ZNF429: variants seen among roughly 807,000 people sequenced by gnomAD.
ZNF429 encodes the protein zinc finger protein 429.
ZNF429 carries 53 observed loss-of-function variants against 56.8 expected under a neutral mutation model. That is an observed-to-expected ratio of 0.93 (90% CI 0.75 to 1.17). The LOEUF is 1.17. Ranked by LOEUF, ZNF429 falls within the 50% of genes most tolerant of loss-of-function variation. The pLI is 0.00. For synonymous variants in ZNF429, 278 were observed against 264.7 expected (o/e 1.05, Z -0.49); for missense variants, 849 against 788.4 (o/e 1.08, Z -0.92).
In ZNF429 at chr19:21,529,741, T is replaced by TA. The variant is rs1483849220; in HGVS notation, c.88dup (p.Arg30LysfsTer20). 1 of 1,599,024 alleles carries TA rather than the reference T, an allele frequency of 6.3e-7. No individual in the cohort carries two copies. Among genetic ancestry groups the TA allele is most frequent in the East Asian group, 2.3e-5 (1 of 44,272 alleles). On this transcript the variant is annotated frameshift_variant, in exon 2 of 4. Transcript: ENST00000358491. LOFTEE classifies it high-confidence loss of function. The stretch of plus-strand genomic sequence containing the variant: ...TGGACACAGCACAACAGAACTTATA[T>TA]AGAAATGTGATGTTAGAGAACTACA...
Position 21,535,356 on chromosome 19 carries a change from TTC to T in ZNF429, c.227-922_227-921del. Among the ~76,000 whole-genome samples the T allele has an allele frequency of 8.2e-5, 9 of 109,906 alleles. 2 individuals carry two copies. The highest frequency in any genetic ancestry group is 2.6e-4 in the African/African-American group (8 of 30,926). The allele number at this position is 109,906 out of a possible 152,430, so 72.1% of individuals were successfully genotyped here. On this transcript the variant is annotated intron_variant, in intron 3 of 3. Coordinates refer to ENST00000358491, the MANE Select transcript of ZNF429 (RefSeq NM_001001415.4). Reference sequence around the variant, plus strand: ...TTTCTTTTCTTTCCTTTCCTTTCTTTTCTTCTTTCTTTCTTTCTTTCTTTTTT... The same window carrying T: ...TTTCTTTTCTTTCCTTTCCTTTCTTTTTCTTTCTTTCTTTCTTTCTTTTTT...
At position 21,538,028 on chromosome 19, in the gene ZNF429, G is replaced by A; in HGVS notation, c.1975G>A (p.Gly659Ser). The A allele has an allele frequency of 1.9e-6, 3 of 1,596,082 alleles. No individual in the cohort carries two copies. The South Asian group carries it at 3.3e-5, about 18-fold the overall frequency. Residue 659 changes from glycine (G) to serine (S), a missense_variant, in exon 4 of 4, where the codon GGC (glycine) becomes AGC (serine). Physicochemically the swap from Gly to Ser is moderately conservative, Grantham distance 56 (BLOSUM62 0). Coordinates refer to ENST00000358491, the MANE Select transcript of ZNF429 (RefSeq NM_001001415.4). ...TGCCTGTAATCCCAGCACTTTGGGA[G>A]GCAGAGGTGGGCGGATCACGAGGTC... ...AHACNPSTLG[G>S]RGGRITRSGD...
intron 1 of ZNF429, 183 bp downstream of exon 1, chr19:21,505,957 C>T (rs985525746): frequency 9.1e-6 from 5 of 546,868 alleles, no homozygotes; most frequent in Non-Finnish European, 1.7e-5. Context: ...GACAGCCGGG[C>T]CCCGGGCGTC....
At chr19:21,513,380 C>T (rs778718144) in intron 1 of ZNF429, among the ~76,000 whole-genome samples, 19 of 152,092 alleles carry the variant, frequency 1.2e-4, no homozygotes, top group Non-Finnish European at 2.8e-4. Context: ...ACAGTGTTTG[C>T]TGAGTTCTCT....
At chr19:21,535,599 C>G in intron 3 of ZNF429, among the ~76,000 whole-genome samples, 1 of 151,136 alleles carries the variant, frequency 6.6e-6, no homozygotes, top group South Asian at 2.1e-4. Context: ...ACTGCAACCT[C>G]CACTTTCTGG....
At chr19:21,532,258 A>G in intron 3 of ZNF429, among the ~76,000 whole-genome samples, 2,935 of 150,758 alleles carry the variant, frequency 0.019, 109 homozygotes, top group African/African-American at 0.068. Flanking sequence ...TTTTTTTTTC[A>G]CAGAAATGCA....
intron 2 of ZNF429, among the ~76,000 whole-genome samples, 176 bp downstream of exon 2, chr19:21,529,960 G>A: frequency 6.6e-6 from 1 of 152,168 alleles, no homozygotes. Flanking sequence ...CACTTTGGGA[G>A]GCCAAGGCGG....
At chr19:21,526,778 TG>T (rs1412186993) in intron 1 of ZNF429, among the ~76,000 whole-genome samples, 1 of 152,208 alleles carries the variant, frequency 6.6e-6, no homozygotes, top group East Asian at 1.9e-4. Flanking sequence ...TCAGCCCACT[TG>T]GGGGTGTCTC....
chr19:21,535,327 C>CTTTCTTTCTTTCTTTCTTTCTTTA, intron 3 of ZNF429, among the ~76,000 whole-genome samples: 4 of 116,220 alleles, frequency 3.4e-5, no homozygotes, highest in Non-Finnish European at 6.8e-5. Context: ...TTCTTTCTTT[C>CTTTCTTTCTTTCTTTCTTTCTTTA]TCTTTTCTTT....
At chr19:21,535,354 TTTTC>T in intron 3 of ZNF429, among the ~76,000 whole-genome samples, 5,380 of 107,150 alleles carry the variant, frequency 0.05, 971 homozygotes, top group Non-Finnish European at 0.065. Flanking sequence ...CTTTCCTTTC[TTTTC>T]TTCTTTCTTT....
chr19:21,518,664 T>G (rs1432922321), intron 1 of ZNF429: 1 of 152,126 alleles, frequency 6.6e-6, no homozygotes, highest in East Asian at 1.9e-4. Context: ...GTGATTCTCC[T>G]GCCTCAGCCT....
chr19:21,515,570 GTTTT>G (rs1180983884), intron 1 of ZNF429, among the ~76,000 whole-genome samples: 1 of 151,590 alleles, frequency 6.6e-6, no homozygotes, highest in African/African-American at 2.4e-5. Flanking sequence ...TGTGTGTGGT[GTTTT>G]TTGTTTTTTG....
chr19:21,535,845 G>A, intron 3 of ZNF429, among the ~76,000 whole-genome samples: 2 of 152,064 alleles, frequency 1.3e-5, no homozygotes, highest in Non-Finnish European at 2.9e-5. Context: ...AGCAGTTTAT[G>A]TTGTGGGAAG....
intron 3 of ZNF429, among the ~76,000 whole-genome samples, chr19:21,534,817 T>TG: frequency 6.6e-6 from 1 of 150,638 alleles, no homozygotes; most frequent in Non-Finnish European, 1.5e-5. Flanking sequence ...TTCGTTTGTT[T>TG]GTTTTTTTTT....
intron 3 of ZNF429, among the ~76,000 whole-genome samples, chr19:21,533,476 G>A: frequency 6.6e-6 from 1 of 150,910 alleles, no homozygotes; most frequent in African/African-American, 2.4e-5. Flanking sequence ...TTTCTTTCTT[G>A]CTCATACATT....
chr19:21,535,349 C>CTTTCT, intron 3 of ZNF429, among the ~76,000 whole-genome samples: 1 of 60,064 alleles, frequency 1.7e-5, no homozygotes, highest in African/African-American at 7.4e-5. Flanking sequence ...CTTTCCTTTC[C>CTTTCT]TTTCTTTTCT....
intron 1 of ZNF429, chr19:21,506,015 G>A (rs1166951330): frequency 5.2e-6 from 2 of 382,194 alleles, no homozygotes; most frequent in East Asian, 5.1e-5. Flanking sequence ...CCCTGTCTGG[G>A]GAGCTCTGCA....
At position 21,506,439 on chromosome 19, in the gene ZNF429, C is replaced by CA. The variant is rs368469112; in HGVS notation, c.3+668dup. ...GCTGGTTGACACAATGAGACTATCT[C>CA]AAACAAAAAAAAAAAAAAAAAAGGG... On this transcript the variant is annotated intron_variant, in intron 1 of 3. Coordinates refer to ENST00000358491, the MANE Select transcript of ZNF429 (RefSeq NM_001001415.4). 8.8e-3 allele frequency among the ~76,000 whole-genome samples: 359 copies of CA among 40,790 alleles called. 24 individuals carry two copies. The highest frequency in any genetic ancestry group is 0.021 in the South Asian group (24 of 1,140). 26.8% of individuals were successfully genotyped at this position (40,790 alleles called of 152,430 possible).
Position 21,537,569 on chromosome 19 carries a change from G to A in ZNF429, c.1516G>A (p.Glu506Lys), listed in dbSNP as rs762182153. 4 of 1,613,474 alleles carry A rather than the reference G, an allele frequency of 2.5e-6. No homozygotes were observed. Among genetic ancestry groups the A allele is most frequent in the Non-Finnish European group, 3.4e-6 (4 of 1,179,992 alleles). Reference sequence around the variant, plus strand: ...CAGTCATAAAAAAATTCATAGTGGAGAGAAACCCTACAAATGTGAAGAATG... The same window carrying A: ...CAGTCATAAAAAAATTCATAGTGGAAAGAAACCCTACAAATGTGAAGAATG... ...LNSHKKIHSG[E>K]KPYKCEECGK... The change falls in exon 4 of 4, where the codon GAG becomes AAG. Residue 506 changes from glutamate to lysine, a missense_variant. Transcript: ENST00000358491.
Sources: allele counts gnomAD v4.1 joint callset (sites outside exome capture counted in the v4.1 genomes callset), GRCh38; gene constraint gnomAD v4.1.1; transcripts MANE v1.5; gene names NCBI Gene and HGNC (gene_info 2026-07-23, HGNC 2026-07-21).